Variants in GREB1 observed in about 807,000 individuals in gnomAD.
GREB1 encodes the protein protein GREB1.
Under a neutral mutation model 200.7 loss-of-function variants are expected in GREB1, and 106 were observed. The ratio of observed to expected loss-of-function variants is 0.53; its 90% CI spans 0.45 to 0.62. The LOEUF (loss-of-function observed/expected upper bound fraction) is 0.62, where lower values mean the gene tolerates loss of function less well. Ranked by LOEUF, GREB1 falls within the 20% of genes least tolerant of loss-of-function variation. GREB1 has a pLI of 0.00. For synonymous variants in GREB1, 1,132 were observed against 1,092.4 expected (o/e 1.04, Z -0.72); for missense variants, 2,243 against 2,556.8 (o/e 0.88, Z 2.65).
rs1683301476 is a variant in GREB1 at position 11,615,212 on chromosome 2, G to C, written c.3244G>C (p.Ala1082Pro). 1 of 1,613,998 alleles carries C rather than the reference G, an allele frequency of 6.2e-7. No individual in the cohort carries two copies. Among genetic ancestry groups the C allele is most frequent in the Non-Finnish European group, 8.5e-7 (1 of 1,179,918 alleles). Residue 1082 changes from alanine (A) to proline (P), a missense_variant, in exon 20 of 33, where the codon GCT becomes CCT. Physicochemically the swap from Ala to Pro is conservative, Grantham distance 27. Coordinates refer to ENST00000381486, the MANE Select transcript of GREB1 (RefSeq NM_014668.4). ...VSNEVPLEKG[A>P]RNEALESDAE... Reference sequence around the variant, plus strand: ...CAACGAGGTTCCCTTGGAGAAGGGGGCTAGGAACGAGGCCTTGGAGAGTGA... The same window carrying C: ...CAACGAGGTTCCCTTGGAGAAGGGGCCTAGGAACGAGGCCTTGGAGAGTGA...
intron 1 of GREB1, among the ~76,000 whole-genome samples, chr2:11,551,098 T>C (rs974163): frequency 0.73 from 110,608 of 152,086 alleles, 40,444 homozygotes; most frequent in South Asian, 0.87. Flanking sequence ...GCTAGCTCAC[T>C]GTTGCCACTT....
At chr2:11,587,989 G>A (rs553615438) in intron 9 of GREB1, 3 of 946,682 alleles carry the variant, frequency 3.2e-6, no homozygotes, top group Non-Finnish European at 3.8e-6. Flanking sequence ...ACTTTGAGAG[G>A]CCGAGGCGGG....
chr2:11,625,596 C>T (rs370700727), intron 24 of GREB1, among the ~76,000 whole-genome samples: 19 of 152,280 alleles, frequency 1.2e-4, no homozygotes, highest in African/African-American at 2.9e-4. Flanking sequence ...GGATAAAAGA[C>T]GTGTATGTTT....
chr2:11,614,553 G>T (rs574309968), intron 19 of GREB1, among the ~76,000 whole-genome samples: 14 of 146,194 alleles, frequency 9.6e-5, no homozygotes, highest in African/African-American at 3.3e-4. Context: ...CCCCCTTTTT[G>T]TTGTTGTTGT....
chr2:11,488,406 C>T (rs918984077), intron 1 of GREB1, among the ~76,000 whole-genome samples: 1 of 152,176 alleles, frequency 6.6e-6, no homozygotes, highest in Non-Finnish European at 1.5e-5. Flanking sequence ...TAGACTTCTT[C>T]CCTCTGTGCA....
chr2:11,567,657 CA>C (rs1346617993), intron 4 of GREB1, among the ~76,000 whole-genome samples: 1 of 152,200 alleles, frequency 6.6e-6, no homozygotes, highest in African/African-American at 2.4e-5. Context: ...ATCTTTCCAA[CA>C]ACCGCTGGCC....
At chr2:11,591,605 C>T (rs926294776) in intron 10 of GREB1, 23 of 613,718 alleles carry the variant, frequency 3.7e-5, no homozygotes, top group East Asian at 5.6e-5. Context: ...TCCGATGCAC[C>T]GTTCGCGTGG....
At chr2:11,571,215 C>T (rs1232895025) in intron 4 of GREB1, among the ~76,000 whole-genome samples, 1 of 152,006 alleles carries the variant, frequency 6.6e-6, no homozygotes, top group Non-Finnish European at 1.5e-5. Flanking sequence ...TATTTTCAGG[C>T]ACGGGGAGGG....
chr2:11,598,252 A>G (rs7557063), intron 14 of GREB1, among the ~76,000 whole-genome samples: 142,265 of 152,332 alleles, frequency 0.93, 67,073 homozygotes, highest in Non-Finnish European at 1. Context: ...ATATCCTTGT[A>G]CTTTCAAGGA....
chr2:11,555,858 G>T (rs1168220860), intron 1 of GREB1, among the ~76,000 whole-genome samples: 1 of 152,112 alleles, frequency 6.6e-6, no homozygotes, highest in East Asian at 1.9e-4. Flanking sequence ...TACTTTAAGT[G>T]GTAAGGTATG....
chr2:11,501,898 TTTTTTTG>T (rs1416997084), intron 1 of GREB1, among the ~76,000 whole-genome samples: 1,514 of 32,684 alleles, frequency 0.046, 484 homozygotes, highest in East Asian at 0.084. Context: ...ATTTCCTGTT[TTTTTTTG>T]TTTTTTTTTT....
intron 11 of GREB1, 131 bp from the exon 12 acceptor site, chr2:11,595,120 G>A: frequency 1.3e-6 from 1 of 750,074 alleles, no homozygotes; most frequent in Non-Finnish European, 2.2e-6. Flanking sequence ...CTGGGAGGTA[G>A]ATCCAGCTGT....
chr2:11,591,064 C>G (rs1307690165), intron 10 of GREB1, among the ~76,000 whole-genome samples: 1 of 152,074 alleles, frequency 6.6e-6, no homozygotes, highest in Admixed American at 6.6e-5. Context: ...CAGTATGGCC[C>G]GTGCAGACAG....
chr2:11,564,327 A>G (rs1274378234), intron 3 of GREB1, among the ~76,000 whole-genome samples: 1 of 149,506 alleles, frequency 6.7e-6, no homozygotes, highest in Non-Finnish European at 1.5e-5. Context: ...GGTGGCTCTT[A>G]GTGAGGTAGG....
Position 11,618,494 on chromosome 2 carries a change from G to A in GREB1, c.3619G>A (p.Gly1207Ser), listed in dbSNP as rs372644788. 2.3e-5 allele frequency: 37 copies of A among 1,610,268 alleles called. No homozygotes were observed. The highest frequency in any genetic ancestry group is 2.2e-4 in the East Asian group (10 of 44,762). The stretch of plus-strand genomic sequence containing the variant: ...CCAGCCCGACTGTAGCCTCAGGACC[G>A]GCCAGAGGAGCGTCCAGGTGTCGGT... ...TPQPDCSLRT[G>S]QRSVQVSVTS... Residue 1207 changes from glycine to serine, a missense_variant, in exon 22 of 33, where the codon GGC (glycine) becomes AGC (serine). By Grantham distance (56) the Gly-to-Ser change is moderately conservative (BLOSUM62 0). Around this residue, in one of 3 missense-constraint regions of GREB1, gnomAD observed 587 missense variants for 553.1 expected, o/e 1.06. Transcript: ENST00000381486.
intron 1 of GREB1, among the ~76,000 whole-genome samples, chr2:11,535,294 C>T (rs1488771738): frequency 6.6e-6 from 1 of 152,212 alleles, no homozygotes; most frequent in Non-Finnish European, 1.5e-5. Context: ...TCTAGTCTGG[C>T]TTCTGGAAGT....
intron 1 of GREB1, among the ~76,000 whole-genome samples, chr2:11,543,827 G>A (rs1674986484): frequency 6.6e-6 from 1 of 152,162 alleles, no homozygotes; most frequent in African/African-American, 2.4e-5. Context: ...TCGTGTGCAG[G>A]GGTGTTGAAC....
In GREB1 at chr2:11,588,841, C is replaced by A. The variant is rs142609686; in HGVS notation, c.1255C>A (p.Arg419=). The part of the protein sequence containing the change: ...TCYQNSQSVS[R]AYEQYGASAI... ...CTACCAGAATTCCCAGTCTGTCTCA[C>A]GGGCATACGAGCAGTACGGCGCCTC... is the stretch of plus-strand genomic sequence containing the variant. The change falls in exon 10 of 33, where the codon CGG becomes AGG. Residue 419 remains arginine, a synonymous_variant. Transcript: ENST00000381486. The A allele has an allele frequency of 1.9e-6, 3 of 1,614,056 alleles. No individual in the cohort carries two copies. The South Asian group carries it at 3.3e-5, about 18-fold the overall frequency.
chr2:11,592,329 A>ATT (rs113949768), intron 10 of GREB1, among the ~76,000 whole-genome samples: 2 of 136,228 alleles, frequency 1.5e-5, no homozygotes, highest in Non-Finnish European at 3.2e-5. Context: ...GCAAAGTAAG[A>ATT]TTTTTTTTTT....
Sources: gnomAD v4.1 joint callset for allele counts (sites outside exome capture counted in the v4.1 genomes callset) on GRCh38, gnomAD v4.1.1 for gene constraint, gnomAD v4.1.1 regional missense constraint, MANE v1.5 for transcripts, NCBI Gene and HGNC (gene_info 2026-07-23, HGNC 2026-07-21) for gene names.